Variants in FUT8 observed in about 807,000 individuals in gnomAD.
The protein encoded by FUT8 is alpha-(1,6)-fucosyltransferase.
Under a neutral mutation model 71.3 loss-of-function variants are expected in FUT8, and 29 were observed. That is an observed-to-expected ratio of 0.41 (90% CI 0.30 to 0.55). The LOEUF is 0.55. Ranked by LOEUF, FUT8 falls within the 20% of genes least tolerant of loss-of-function variation. The pLI, the probability that FUT8 is intolerant of heterozygous loss-of-function variation, is 0.34. For missense variants in FUT8, 544 were observed against 702.1 expected, an observed-to-expected ratio of 0.77 and a Z score of 2.55; for synonymous variants, 254 against 239.3, an observed-to-expected ratio of 1.06 and a Z score of -0.57.
chr14:65,616,044 T>C lies in FUT8; in HGVS notation c.270T>C (p.Leu90=). 1 of 1,614,044 alleles carries C rather than the reference T, an allele frequency of 6.2e-7. No homozygotes were observed. The highest frequency in any genetic ancestry group is 1.1e-5 in the South Asian group (1 of 91,076). The part of the protein sequence containing the change: ...IGRVRVLEEQ[L]VKAKEQIENY... Reference sequence around the variant, plus strand: ...GAGTACGCGTTTTAGAAGAGCAGCTTGTTAAGGCCAAAGAACAGATTGAAA... The same window carrying C: ...GAGTACGCGTTTTAGAAGAGCAGCTCGTTAAGGCCAAAGAACAGATTGAAA... Residue 90 remains leucine (L), a synonymous_variant, in exon 4 of 11, where the codon CTT becomes CTC. Transcript: ENST00000673929.
At chr14:65,665,926 A>G (rs1892189930) in intron 6 of FUT8, among the ~76,000 whole-genome samples, 1 of 152,076 alleles carries the variant, frequency 6.6e-6, no homozygotes, top group Non-Finnish European at 1.5e-5. Context: ...ACTGGGGCCT[A>G]TCGGAGGGTG....
chr14:65,549,754 C>T (rs578039827), intron 2 of FUT8, among the ~76,000 whole-genome samples: 71 of 152,186 alleles, frequency 4.7e-4, no homozygotes, highest in Non-Finnish European at 9.0e-4. Flanking sequence ...TGTGGTGAAG[C>T]TGTAAAACAC....
chr14:65,574,786 C>A lies in FUT8; in HGVS notation c.203+13020C>A, dbSNP rs1036995459. ...TCACAGTGAACTTCATTGTTTGTGGCGCAATGTCTTGCTTCCCTTGGTTCC... is the reference window on the plus strand; with the variant it reads ...TCACAGTGAACTTCATTGTTTGTGGAGCAATGTCTTGCTTCCCTTGGTTCC... On this transcript the variant is annotated intron_variant, in intron 3 of 10. Coordinates refer to ENST00000673929, the MANE Select transcript of FUT8 (RefSeq NM_001371533.1). The surrounding 1 kb of genome is among the most constrained non-coding windows in gnomAD (Gnocchi z 5.2). Among the ~76,000 whole-genome samples, 3 of 152,066 alleles carry A rather than the reference C, an allele frequency of 2.0e-5. No homozygotes were observed. The highest frequency in any genetic ancestry group is 7.2e-5 in the African/African-American group (3 of 41,410).
chr14:65,505,450 C>A (rs1321986038), intron 2 of FUT8, among the ~76,000 whole-genome samples: 1 of 151,342 alleles, frequency 6.6e-6, no homozygotes, highest in Non-Finnish European at 1.5e-5. Flanking sequence ...GTAGCTGGGA[C>A]TACAGGTGCC....
intron 6 of FUT8, among the ~76,000 whole-genome samples, chr14:65,654,759 C>G (rs889592836): frequency 6.6e-6 from 1 of 151,294 alleles, no homozygotes; most frequent in Non-Finnish European, 1.5e-5. Flanking sequence ...ACAAAAGGAG[C>G]AAATAAAAAA....
chr14:65,689,831 C>T (rs190689305), intron 7 of FUT8, among the ~76,000 whole-genome samples: 5 of 152,370 alleles, frequency 3.3e-5, no homozygotes, highest in Admixed American at 1.3e-4. Context: ...GCCACAGCAC[C>T]CAGCCGAGCA....
At chr14:65,639,661 C>T (rs1202704250) in intron 6 of FUT8, among the ~76,000 whole-genome samples, 1 of 152,010 alleles carries the variant, frequency 6.6e-6, no homozygotes, top group Non-Finnish European at 1.5e-5. Context: ...CTTCGTCATT[C>T]CTTTTTAGAA....
intron 2 of FUT8, among the ~76,000 whole-genome samples, chr14:65,525,318 C>A (rs980226738): frequency 6.6e-6 from 1 of 152,240 alleles, no homozygotes; most frequent in Middle Eastern, 3.4e-3. Flanking sequence ...AGGAATTTAT[C>A]CATTTCTTCT....
At chr14:65,639,030 A>G (rs1890702884) in intron 6 of FUT8, among the ~76,000 whole-genome samples, 1 of 152,198 alleles carries the variant, frequency 6.6e-6, no homozygotes, top group South Asian at 2.1e-4. Context: ...ACCATCTAGG[A>G]AAAAGCAGGC....
intron 2 of FUT8, among the ~76,000 whole-genome samples, chr14:65,536,647 G>A (rs186838939): frequency 8.5e-5 from 13 of 152,266 alleles, no homozygotes; most frequent in African/African-American, 3.1e-4. Context: ...GCTTCCTTTT[G>A]TAGGTGGCCT....
At chr14:65,618,497 G>A (rs1002618023) in intron 5 of FUT8, among the ~76,000 whole-genome samples, 7 of 152,066 alleles carry the variant, frequency 4.6e-5, no homozygotes, top group Non-Finnish European at 8.8e-5. Flanking sequence ...ATGAATCTGG[G>A]ACATAACTTC....
intron 7 of FUT8, among the ~76,000 whole-genome samples, chr14:65,685,425 G>A (rs1893236691): frequency 6.6e-6 from 1 of 152,068 alleles, no homozygotes; most frequent in African/African-American, 2.4e-5. Context: ...CTTCACTTTG[G>A]ACAGTTGTAT....
chr14:65,686,409 A>G (rs1893287875), intron 7 of FUT8, among the ~76,000 whole-genome samples: 1 of 152,232 alleles, frequency 6.6e-6, no homozygotes, highest in African/African-American at 2.4e-5. Context: ...TCAGTATGAA[A>G]TAAATCTCTG....
rs376926015 is a variant in FUT8 at position 65,500,571 on chromosome 14, G to A, written c.-228+44853G>A. ...CTGGTTAGAACTCTTAAACTGGAAG[G>A]CAGTTAATATGTTGGCCTGAAGTTT... On this transcript the variant is annotated intron_variant, in intron 2 of 10. Transcript: ENST00000673929. Among the ~76,000 whole-genome samples, 20 of 152,290 alleles carry A rather than the reference G, an allele frequency of 1.3e-4. No individual in the cohort carries two copies. The East Asian group carries it at 3.7e-3, about 28-fold the overall frequency.
intron 3 of FUT8, among the ~76,000 whole-genome samples, chr14:65,584,815 T>G (rs1051000732): frequency 4.6e-5 from 7 of 152,226 alleles, no homozygotes; most frequent in African/African-American, 1.7e-4. Flanking sequence ...CTCCTTAGTT[T>G]GTGTATGTTT....
the FUT8 span, among the ~76,000 whole-genome samples, chr14:65,390,362 A>T: frequency 1.3e-5 from 2 of 151,222 alleles, no homozygotes. Context: ...GTAAGATAAT[A>T]CATCTAGAAG....
intron 5 of FUT8, among the ~76,000 whole-genome samples, chr14:65,622,939 T>C (rs1027244093): frequency 6.7e-6 from 1 of 148,250 alleles, no homozygotes. Context: ...AGGCAGTGTC[T>C]CTCTCTGTCA....
At chr14:65,650,890 G>A (rs1891376741) in intron 6 of FUT8, among the ~76,000 whole-genome samples, 1 of 152,140 alleles carries the variant, frequency 6.6e-6, no homozygotes, top group African/African-American at 2.4e-5. Flanking sequence ...TATCTATCCA[G>A]TTGCAGTCCC....
chr14:65,725,084 CAACTG>C (rs1895611613), intron 9 of FUT8, among the ~76,000 whole-genome samples: 1 of 152,144 alleles, frequency 6.6e-6, no homozygotes, highest in Admixed American at 6.5e-5. Flanking sequence ...CAGTTACAGA[CAACTG>C]AACACATATG....
Sources: allele counts gnomAD v4.1 joint callset (sites outside exome capture counted in the v4.1 genomes callset), GRCh38; gene constraint gnomAD v4.1.1; non-coding constraint Gnocchi (gnomAD v3.1); transcripts MANE v1.5; gene names NCBI Gene and HGNC (gene_info 2026-07-23, HGNC 2026-07-21).